PIP4K2C: variants seen among roughly 807,000 people sequenced by gnomAD.
PIP4K2C encodes the protein phosphatidylinositol-5-phosphate 4-kinase type 2 gamma, also known as phosphatidylinositol 5-phosphate 4-kinase type-2 gamma.
Under a neutral mutation model 45.0 loss-of-function variants are expected in PIP4K2C, and 21 were observed. That is an observed-to-expected ratio of 0.47 (90% CI 0.33 to 0.67). The LOEUF is 0.67. PIP4K2C is among the 30% of genes least tolerant of loss of function. The probability of loss-of-function intolerance (pLI) is 0.02; values close to 1 mark genes in which losing one functional copy is unlikely to be tolerated. For synonymous variants in PIP4K2C, 201 were observed against 204.8 expected (o/e 0.98, Z 0.16); for missense variants, 456 against 542.8 (o/e 0.84, Z 1.59).
At position 57,592,434 on chromosome 12, in the gene PIP4K2C, G is replaced by A. The variant is rs1883003388; in HGVS notation, c.174+971G>A. Among the ~76,000 whole-genome samples the A allele has an allele frequency of 2.0e-5, 3 of 152,152 alleles. No individual in the cohort carries two copies. The South Asian group carries it at 6.2e-4, about 32-fold the overall frequency. On this transcript the variant is annotated intron_variant, in intron 1 of 9. Coordinates refer to ENST00000354947, the MANE Select transcript of PIP4K2C (RefSeq NM_024779.5). ...AGATGGAAGTTGTGAGGAAGAATAC[G>A]CGTTTTGTCACATTTTTAATTTGTG...
intron 6 of PIP4K2C, 56 bp from the exon 7 acceptor site, chr12:57,600,268 T>A (rs914247914): frequency 9.0e-7 from 1 of 1,113,238 alleles, no homozygotes; most frequent in Admixed American, 1.9e-5. Flanking sequence ...GAAGGTGGGG[T>A]TCTGAGACCT....
intron 1 of PIP4K2C, 101 bp downstream of exon 1, chr12:57,591,564 C>A: frequency 7.4e-7 from 1 of 1,345,236 alleles, no homozygotes; most frequent in South Asian, 1.5e-5. Flanking sequence ...CGCAGTGCCA[C>A]TCCCCTCCCC....
intron 6 of PIP4K2C, 141 bp from the exon 7 acceptor site, chr12:57,600,183 G>A: frequency 2.0e-6 from 1 of 510,976 alleles, no homozygotes; most frequent in South Asian, 2.8e-5. Flanking sequence ...GTCACTGGAG[G>A]TGAGAACAGA....
In PIP4K2C at chr12:57,599,386, G is replaced by C. The variant is rs933933758; in HGVS notation, c.661-14G>C. 1 of 1,613,950 alleles carries C rather than the reference G, an allele frequency of 6.2e-7. No individual in the cohort carries two copies. The highest frequency in any genetic ancestry group is 1.3e-5 in the African/African-American group (1 of 74,884). On this transcript the variant is annotated splice_polypyrimidine_tract_variant and intron_variant, in intron 5 of 9. Coordinates refer to ENST00000354947, the MANE Select transcript of PIP4K2C (RefSeq NM_024779.5). ...AGCCACTTCTACTGACTTGGTGTTT[G>C]GGTCTTTCTGCAGGGTTCCCTAGTG... is the stretch of plus-strand genomic sequence containing the variant.
At chr12:57,592,228 G>C (rs1367736698) in intron 1 of PIP4K2C, among the ~76,000 whole-genome samples, 1 of 152,156 alleles carries the variant, frequency 6.6e-6, no homozygotes, top group African/African-American at 2.4e-5. Context: ...AACTGCTCTG[G>C]GAGTCAGGAG....
chr12:57,592,890 T>C (rs1039313502), intron 1 of PIP4K2C, among the ~76,000 whole-genome samples: 1 of 148,790 alleles, frequency 6.7e-6, no homozygotes, highest in Non-Finnish European at 1.5e-5. Flanking sequence ...AGGCTGGGAG[T>C]CTCAAGTGGC....
chr12:57,592,304 C>G (rs928256476), intron 1 of PIP4K2C, among the ~76,000 whole-genome samples: 5 of 152,096 alleles, frequency 3.3e-5, no homozygotes, highest in African/African-American at 1.2e-4. Context: ...CAGCCATTGC[C>G]CATCTTCCGT....
chr12:57,592,123 C>A (rs1259124803), intron 1 of PIP4K2C, among the ~76,000 whole-genome samples: 3 of 152,094 alleles, frequency 2.0e-5, no homozygotes, highest in Non-Finnish European at 4.4e-5. Flanking sequence ...CTAGAGCGAT[C>A]GTGTTTGGTG....
chr12:57,592,312 C>T (rs1290701730), intron 1 of PIP4K2C, among the ~76,000 whole-genome samples: 3 of 152,134 alleles, frequency 2.0e-5, no homozygotes, highest in African/African-American at 4.8e-5. Flanking sequence ...GCCCATCTTC[C>T]GTCAGGTCTG....
rs200757445 is a variant in PIP4K2C at position 57,601,068 on chromosome 12, G to A, written c.1071G>A (p.Arg357=). 1,299 of 1,613,380 alleles carry A rather than the reference G, an allele frequency of 8.1e-4. 9 individuals carry two copies. The highest frequency in any genetic ancestry group is 7.6e-3 in the South Asian group (694 of 91,082). Residue 357 remains arginine, a synonymous_variant, in exon 8 of 10, where the codon CGG becomes CGA. Transcript: ENST00000354947. Reference sequence around the variant, plus strand: ...CCTTCATTGATGTCTATGCCATCCGGAGTGCTGAAGGTGAGAGAACCGGGA... The same window carrying A: ...CCTTCATTGATGTCTATGCCATCCGAAGTGCTGAAGGTGAGAGAACCGGGA... ...FESFIDVYAI[R]SAEGAPQKEV...
At chr12:57,598,923 A>G (rs1295435340) in intron 4 of PIP4K2C, 142 bp from the exon 5 acceptor site, 2 of 840,962 alleles carry the variant, frequency 2.4e-6, no homozygotes, top group East Asian at 2.6e-5. Context: ...GTTTTGGGGA[A>G]GCTTCCACCA....
chr12:57,594,900 A>G (rs1883121339), intron 2 of PIP4K2C, among the ~76,000 whole-genome samples: 1 of 151,890 alleles, frequency 6.6e-6, no homozygotes, highest in Admixed American at 6.6e-5. Context: ...AACCCGGGGG[A>G]TGGAGGTTGT....
At chr12:57,600,510 C>T (rs531483196) in intron 7 of PIP4K2C, 73 bp downstream of exon 7, 49 of 1,042,954 alleles carry the variant, frequency 4.7e-5, no homozygotes, top group Middle Eastern at 2.1e-4. Context: ...CTTTCATTCA[C>T]GGTATGAGGG....
At chr12:57,600,230 T>C (rs1222140698) in intron 6 of PIP4K2C, 94 bp from the exon 7 acceptor site, 2 of 710,878 alleles carry the variant, frequency 2.8e-6, no homozygotes, top group Non-Finnish European at 4.8e-6. Context: ...AGATGAGATC[T>C]AACTGAGCTA....
intron 6 of PIP4K2C, 29 bp downstream of exon 6, chr12:57,599,467 G>A: frequency 6.2e-7 from 1 of 1,612,676 alleles, no homozygotes; most frequent in Non-Finnish European, 8.5e-7. Context: ...GCTAGGGTGA[G>A]GGATGAGGGA....
At chr12:57,598,141 GC>G (rs1196727407) in intron 4 of PIP4K2C, 1 of 152,188 alleles carries the variant, frequency 6.6e-6, no homozygotes, top group African/African-American at 2.4e-5. Context: ...AAACTCCTGG[GC>G]TCAAGCGATC....
intron 7 of PIP4K2C, 63 bp from the exon 8 acceptor site, chr12:57,600,748 A>C: frequency 6.3e-7 from 1 of 1,595,050 alleles, no homozygotes; most frequent in Non-Finnish European, 8.6e-7. Context: ...AGGTACAGGT[A>C]CAGGGGTGAT....
chr12:57,591,566 C>G, intron 1 of PIP4K2C, 103 bp downstream of exon 1: 3 of 1,338,920 alleles, frequency 2.2e-6, no homozygotes, highest in Non-Finnish European at 3.0e-6. Flanking sequence ...CAGTGCCACT[C>G]CCCTCCCCCG....
At chr12:57,596,134 A>G in intron 4 of PIP4K2C, 103 bp downstream of exon 4, 5 of 1,359,332 alleles carry the variant, frequency 3.7e-6, no homozygotes, top group Non-Finnish European at 5.1e-6. Flanking sequence ...ACTCATTGGA[A>G]GAGAGAATCC....
Sources: gnomAD v4.1 joint callset for allele counts (sites outside exome capture counted in the v4.1 genomes callset) on GRCh38, gnomAD v4.1.1 for gene constraint, MANE v1.5 for transcripts, NCBI Gene and HGNC (gene_info 2026-07-23, HGNC 2026-07-21) for gene names.